The following RAB38 variants were observed in gnomAD, a reference collection of about 807,000 sequenced individuals.
RAB38 encodes ras-related protein Rab-38.
A neutral mutation model predicts 18.4 loss-of-function variants in RAB38; 15 were observed. The observed-to-expected ratio is 0.82, with a 90% CI of 0.55 to 1.26. The LOEUF (loss-of-function observed/expected upper bound fraction) is 1.26. RAB38 is among the 50% of genes most tolerant of loss of function. RAB38 has a pLI of 0.00. For synonymous variants in RAB38, 101 were observed against 104.4 expected (o/e 0.97, Z 0.20); for missense variants, 294 against 267.4 (o/e 1.10, Z -0.69).
At chr11:88,084,394 G>A in the RAB38 span, among the ~76,000 whole-genome samples, 1 of 151,640 alleles carries the variant, frequency 6.6e-6, no homozygotes, top group African/African-American at 2.4e-5. Context: ...GCTCCAAGAG[G>A]TGTGTAACAA....
At chr11:87,929,843 C>T in the RAB38 span, among the ~76,000 whole-genome samples, 14 of 151,182 alleles carry the variant, frequency 9.3e-5, no homozygotes, top group Non-Finnish European at 1.9e-4. Context: ...CGATAGTTTG[C>T]TGAGAATGAT....
chr11:87,878,971 ATT>A, the RAB38 span, among the ~76,000 whole-genome samples: 225 of 133,758 alleles, frequency 1.7e-3, 2 homozygotes, highest in African/African-American at 5.0e-3. Flanking sequence ...GCAATTACTG[ATT>A]TTTTTTTTTT....
intron 2 of RAB38, among the ~76,000 whole-genome samples, chr11:88,134,163 A>G (rs1397411714): frequency 6.6e-6 from 1 of 152,128 alleles, no homozygotes; most frequent in Non-Finnish European, 1.5e-5. Context: ...TTAACATACA[A>G]AAAAAAGAAT....
chr11:87,868,301 C>A, the RAB38 span, among the ~76,000 whole-genome samples: 1 of 151,636 alleles, frequency 6.6e-6, no homozygotes, highest in Non-Finnish European at 1.5e-5. Flanking sequence ...CTTGCTTCCT[C>A]TCTCACCATG....
the RAB38 span, among the ~76,000 whole-genome samples, chr11:88,037,255 A>G: frequency 6.6e-6 from 1 of 152,042 alleles, no homozygotes; most frequent in Non-Finnish European, 1.5e-5. Context: ...TAATAATCTC[A>G]TAAGTTTGTT....
chr11:87,930,223 T>C, the RAB38 span, among the ~76,000 whole-genome samples: 5 of 152,232 alleles, frequency 3.3e-5, no homozygotes, highest in Middle Eastern at 3.4e-3. Flanking sequence ...CTCTCCAGCA[T>C]CTGTTGTTTC....
the RAB38 span, among the ~76,000 whole-genome samples, chr11:87,921,537 ATC>A: frequency 1.2e-4 from 18 of 148,716 alleles, no homozygotes; most frequent in Non-Finnish European, 1.0e-4. Flanking sequence ...TTCATTGTAA[ATC>A]TCTCTCTATA....
the RAB38 span, among the ~76,000 whole-genome samples, chr11:88,051,253 T>A: frequency 0.62 from 93,857 of 151,592 alleles, 29,632 homozygotes; most frequent in Non-Finnish European, 0.68. Flanking sequence ...ATCCCCAGGG[T>A]ACTGGAAACT....
the RAB38 span, among the ~76,000 whole-genome samples, chr11:87,959,922 C>T: frequency 6.6e-6 from 1 of 152,078 alleles, no homozygotes; most frequent in Non-Finnish European, 1.5e-5. Flanking sequence ...AACTATTATG[C>T]AGAGAGAAAT....
At chr11:87,867,738 T>G in the RAB38 span, among the ~76,000 whole-genome samples, 1 of 151,740 alleles carries the variant, frequency 6.6e-6, no homozygotes. Context: ...TATCAGATAC[T>G]ATTCTGTGTG....
the RAB38 span, among the ~76,000 whole-genome samples, chr11:87,892,308 A>G: frequency 6.6e-6 from 1 of 151,932 alleles, no homozygotes; most frequent in Non-Finnish European, 1.5e-5. Context: ...CATCTAACTA[A>G]TTACTGAGTC....
the RAB38 span, among the ~76,000 whole-genome samples, chr11:87,819,694 G>A: frequency 7.1e-6 from 1 of 140,154 alleles, no homozygotes; most frequent in Non-Finnish European, 1.5e-5. Context: ...ATATATATGT[G>A]TGTGTGTGTA....
chr11:88,085,906 A>C, the RAB38 span, among the ~76,000 whole-genome samples: 10 of 151,942 alleles, frequency 6.6e-5, no homozygotes, highest in Admixed American at 5.9e-4. Flanking sequence ...ACCTGAAATT[A>C]GGATTCTTGG....
At chr11:87,889,794 A>G in the RAB38 span, among the ~76,000 whole-genome samples, 1 of 151,550 alleles carries the variant, frequency 6.6e-6, no homozygotes, top group South Asian at 2.1e-4. Flanking sequence ...TCTATATAAC[A>G]TGTAGATGTG....
At chr11:87,872,025 G>C in the RAB38 span, among the ~76,000 whole-genome samples, 1 of 151,482 alleles carries the variant, frequency 6.6e-6, no homozygotes, top group Non-Finnish European at 1.5e-5. Flanking sequence ...CAGAGTCATA[G>C]GCTCAGCTTT....
the RAB38 span, among the ~76,000 whole-genome samples, chr11:88,022,763 G>A: frequency 2.6e-5 from 4 of 151,982 alleles, no homozygotes; most frequent in East Asian, 5.8e-4. Context: ...TGGTGTATGT[G>A]TACCACATTT....
At chr11:87,917,599 A>G in the RAB38 span, among the ~76,000 whole-genome samples, 2 of 145,378 alleles carry the variant, frequency 1.4e-5, no homozygotes, top group South Asian at 2.1e-4. Flanking sequence ...AGGTCTTAAA[A>G]TGCATGCTGC....
the RAB38 span, among the ~76,000 whole-genome samples, chr11:88,069,949 C>T: frequency 5.3e-5 from 8 of 152,326 alleles, no homozygotes; most frequent in Admixed American, 2.6e-4. Context: ...CCTGTCAAAA[C>T]GGACCAATCA....
At chr11:88,150,688 C>G (rs1282822845) in intron 1 of RAB38, among the ~76,000 whole-genome samples, 1 of 152,144 alleles carries the variant, frequency 6.6e-6, no homozygotes, top group Non-Finnish European at 1.5e-5. Flanking sequence ...GAAACTTAGT[C>G]TAAGTAACAT....
Sources: gnomAD v4.1 joint callset for allele counts (sites outside exome capture counted in the v4.1 genomes callset) on GRCh38, gnomAD v4.1.1 for gene constraint, MANE v1.5 for transcripts, NCBI Gene and HGNC (gene_info 2026-07-23, HGNC 2026-07-21) for gene names.